GRM5: variants seen among roughly 807,000 people sequenced by gnomAD.
GRM5 encodes glutamate metabotropic receptor 5.
GRM5 carries 19 observed loss-of-function variants against 83.1 expected under a neutral mutation model. The observed-to-expected ratio is 0.23, with a 90% CI of 0.16 to 0.34. The LOEUF is 0.34. GRM5 is among the 10% of genes least tolerant of loss of function. The pLI is 1.00. For synonymous variants in GRM5, 675 were observed against 633.6 expected, an observed-to-expected ratio of 1.07 and a Z score of -0.98; for missense variants, 1,160 against 1,588.3, an observed-to-expected ratio of 0.73 and a Z score of 4.58.
At chr11:88,856,772 A>T (rs992440805) in intron 2 of GRM5, among the ~76,000 whole-genome samples, 4 of 152,042 alleles carry the variant, frequency 2.6e-5, no homozygotes, top group African/African-American at 4.8e-5. Context: ...GATAGCTATG[A>T]CATCACTAGA....
intron 3 of GRM5, among the ~76,000 whole-genome samples, chr11:88,697,593 C>T (rs772554371): frequency 2.6e-5 from 4 of 152,194 alleles, no homozygotes; most frequent in Non-Finnish European, 4.4e-5. Context: ...GCCTCAGATC[C>T]ATGGACTACA....
At chr11:89,016,302 A>G (rs1369295385) in intron 2 of GRM5, among the ~76,000 whole-genome samples, 2 of 150,354 alleles carry the variant, frequency 1.3e-5, no homozygotes, top group East Asian at 1.9e-4. Context: ...TATTTATTAT[A>G]TATACATTAT....
At chr11:89,001,090 A>G (rs1413479239) in intron 2 of GRM5, among the ~76,000 whole-genome samples, 3 of 152,124 alleles carry the variant, frequency 2.0e-5, no homozygotes, top group Non-Finnish European at 4.4e-5. Context: ...ATTATTCATG[A>G]AAATGTAAAA....
intron 2 of GRM5, among the ~76,000 whole-genome samples, chr11:88,999,240 A>G (rs552444185): frequency 7.9e-5 from 12 of 152,172 alleles, no homozygotes; most frequent in East Asian, 3.9e-4. Context: ...TGACAAATGG[A>G]ATCTAATTAA....
At chr11:89,049,587 A>T (rs1057007029) in intron 1 of GRM5, among the ~76,000 whole-genome samples, 1 of 152,222 alleles carries the variant, frequency 6.6e-6, no homozygotes, top group Non-Finnish European at 1.5e-5. Flanking sequence ...AAATGAATGT[A>T]ACTTGAATCA....
chr11:89,026,992 G>C (rs1396755655), intron 2 of GRM5, among the ~76,000 whole-genome samples: 1 of 152,154 alleles, frequency 6.6e-6, no homozygotes, highest in East Asian at 1.9e-4. Flanking sequence ...ATCTTCTCAA[G>C]AGACAGAGAC....
intron 2 of GRM5, among the ~76,000 whole-genome samples, chr11:88,986,649 T>C (rs955516776): frequency 9.9e-5 from 15 of 151,950 alleles, no homozygotes; most frequent in African/African-American, 2.4e-4. Flanking sequence ...AAGCCATAGG[T>C]TGCCTTTTTA....
At chr11:88,694,131 C>T (rs1940848719) in intron 3 of GRM5, among the ~76,000 whole-genome samples, 1 of 152,178 alleles carries the variant, frequency 6.6e-6, no homozygotes, top group Non-Finnish European at 1.5e-5. Context: ...TAATATTTAA[C>T]CACCAGCATA....
chr11:88,820,849 G>A (rs997323432), intron 3 of GRM5, among the ~76,000 whole-genome samples: 5 of 152,134 alleles, frequency 3.3e-5, no homozygotes, highest in African/African-American at 1.2e-4. Flanking sequence ...AATACAGTGA[G>A]CACTAAAAAA....
chr11:88,737,044 T>G (rs1346523783), intron 3 of GRM5, among the ~76,000 whole-genome samples: 9 of 152,018 alleles, frequency 5.9e-5, no homozygotes, highest in Non-Finnish European at 1.2e-4. Flanking sequence ...AATCTAGGAT[T>G]AGGAAGAAGG....
intron 3 of GRM5, among the ~76,000 whole-genome samples, chr11:88,753,068 C>A (rs186401396): frequency 6.6e-6 from 1 of 152,074 alleles, no homozygotes; most frequent in East Asian, 1.9e-4. Flanking sequence ...ATGATGAAAT[C>A]ACCAAAAGCA....
chr11:88,985,490 G>A (rs936682000), intron 2 of GRM5, among the ~76,000 whole-genome samples: 4 of 152,026 alleles, frequency 2.6e-5, no homozygotes, highest in Non-Finnish European at 5.9e-5. Context: ...CTCGTATACT[G>A]ATCTCATGAA....
At chr11:88,961,042 T>C (rs1938767505) in intron 2 of GRM5, among the ~76,000 whole-genome samples, 1 of 152,154 alleles carries the variant, frequency 6.6e-6, no homozygotes, top group Admixed American at 6.6e-5. Flanking sequence ...GTGTTCAACT[T>C]TGGGGCCTAA....
At chr11:88,708,951 G>A (rs1941223452) in intron 3 of GRM5, among the ~76,000 whole-genome samples, 1 of 152,066 alleles carries the variant, frequency 6.6e-6, no homozygotes, top group Non-Finnish European at 1.5e-5. Flanking sequence ...AGGTCTAATG[G>A]CAGAAGGAAG....
At chr11:89,042,727 GT>G (rs1362210985) in intron 2 of GRM5, among the ~76,000 whole-genome samples, 1 of 152,196 alleles carries the variant, frequency 6.6e-6, no homozygotes, top group African/African-American at 2.4e-5. Flanking sequence ...TGTACTCCCA[GT>G]TTTTAGAAGT....
chr11:89,028,586 C>T (rs1039969296), intron 2 of GRM5, among the ~76,000 whole-genome samples: 7 of 152,068 alleles, frequency 4.6e-5, no homozygotes, highest in African/African-American at 1.7e-4. Flanking sequence ...CAGAATAAGA[C>T]CTTGTCAGAA....
intron 2 of GRM5, among the ~76,000 whole-genome samples, chr11:88,956,062 C>T (rs575414775): frequency 6.6e-6 from 1 of 152,314 alleles, no homozygotes; most frequent in Admixed American, 6.5e-5. Context: ...AAAACAGCAT[C>T]AGAAACTCAA....
intron 3 of GRM5, 21 bp from the exon 4 acceptor site, chr11:88,653,424 C>G: frequency 6.5e-7 from 1 of 1,541,728 alleles, no homozygotes; most frequent in Non-Finnish European, 9.0e-7. Context: ...ATAAAAAAAC[C>G]CTCAGCTTAG....
In GRM5 at chr11:88,597,098, G is replaced by A. The variant is rs561446663; in HGVS notation, c.1563+86C>T. 6 of 770,052 alleles carry A rather than the reference G, an allele frequency of 7.8e-6. No homozygotes were observed. In the Admixed American group the frequency reaches 1.1e-4, roughly 14 times the overall value. 47.7% of individuals were successfully genotyped at this position (770,052 alleles called of 1,614,324 possible). On this transcript the variant is annotated intron_variant, in intron 6 of 9. Transcript: ENST00000305447. ...GCTTACAATATAAAAAGTAAAATAA[G>A]TGTCTAAAATTTTTAAAAATAGCCA...
Sources: gnomAD v4.1 joint callset for allele counts (sites outside exome capture counted in the v4.1 genomes callset) on GRCh38, gnomAD v4.1.1 for gene constraint, MANE v1.5 for transcripts, NCBI Gene and HGNC (gene_info 2026-07-23, HGNC 2026-07-21) for gene names.